The following CNTN5 variants were observed in gnomAD, a reference collection of about 807,000 sequenced individuals.
CNTN5 encodes the protein contactin 5, also known as contactin-5.
Under a neutral mutation model 129.1 loss-of-function variants are expected in CNTN5, and 77 were observed. That is an observed-to-expected ratio of 0.60 (90% confidence interval 0.50 to 0.72). CNTN5 has a LOEUF of 0.72. Ranked by LOEUF, CNTN5 falls within the 30% of genes least tolerant of loss-of-function variation. The probability of loss-of-function intolerance (pLI) is 0.00; values close to 1 mark genes in which losing one functional copy is unlikely to be tolerated. For synonymous variants in CNTN5, 509 were observed against 465.6 expected, an observed-to-expected ratio of 1.09 and a Z score of -1.20; for missense variants, 1,478 against 1,328.8, an observed-to-expected ratio of 1.11 and a Z score of -1.75.
intron 3 of CNTN5, among the ~76,000 whole-genome samples, chr11:99,597,528 T>C (rs1294128308): frequency 1.3e-5 from 2 of 151,432 alleles, no homozygotes; most frequent in Non-Finnish European, 2.9e-5. Context: ...AAAAAAAATA[T>C]AGGTTGTTTG....
At chr11:99,440,903 C>T (rs766391521) in intron 2 of CNTN5, among the ~76,000 whole-genome samples, 17 of 152,220 alleles carry the variant, frequency 1.1e-4, no homozygotes, top group East Asian at 3.9e-4. Context: ...ACACTAATTA[C>T]GGTGAACTGA....
intron 3 of CNTN5, among the ~76,000 whole-genome samples, chr11:99,619,041 G>T (rs1313918603): frequency 1.3e-5 from 2 of 151,996 alleles, no homozygotes; most frequent in East Asian, 3.8e-4. Flanking sequence ...TTCAATGAAA[G>T]CTTATAAAAT....
intron 6 of CNTN5, among the ~76,000 whole-genome samples, chr11:99,901,617 G>A (rs371639778): frequency 6.6e-6 from 1 of 152,058 alleles, no homozygotes; most frequent in Non-Finnish European, 1.5e-5. Context: ...CTATTCATGA[G>A]CATAGAATGG....
At chr11:100,086,906 AT>A (rs1944578416) in intron 13 of CNTN5, among the ~76,000 whole-genome samples, 1 of 151,688 alleles carries the variant, frequency 6.6e-6, no homozygotes, top group African/African-American at 2.4e-5. Context: ...CGCTCTATGT[AT>A]TTATGTTACA....
Position 100,299,434 on chromosome 11 carries a change from T to G in CNTN5, c.2620+38T>G, listed in dbSNP as rs754349765. ...ATTCCTATTATTTTTATTTAACATT[T>G]TACTTTGTTATACAAATAATCAGAC... On this transcript the variant is annotated intron_variant, in intron 20 of 24. Coordinates refer to ENST00000524871, the MANE Select transcript of CNTN5 (RefSeq NM_014361.4). 13 of 1,307,750 alleles carry G rather than the reference T, an allele frequency of 9.9e-6. No homozygotes were observed. The South Asian group carries it at 1.6e-4, about 16-fold the overall frequency. 81.0% of individuals were successfully genotyped at this position (1,307,750 alleles called of 1,614,324 possible).
intron 1 of CNTN5, among the ~76,000 whole-genome samples, chr11:99,180,631 T>C (rs1159586337): frequency 6.6e-6 from 1 of 152,194 alleles, no homozygotes; most frequent in Non-Finnish European, 1.5e-5. Context: ...TGGTGACTGT[T>C]GTTTGTGTCC....
chr11:100,047,675 A>G (rs965146498), intron 9 of CNTN5, among the ~76,000 whole-genome samples: 33 of 152,316 alleles, frequency 2.2e-4, no homozygotes, highest in African/African-American at 7.9e-4. Context: ...GATTGAAATC[A>G]GGGATACCCA....
intron 18 of CNTN5, among the ~76,000 whole-genome samples, chr11:100,274,390 A>G (rs114368408): frequency 0.025 from 3,809 of 152,318 alleles, 142 homozygotes; most frequent in East Asian, 0.2. Context: ...ATTAAACTTA[A>G]GAGCTTCTGC....
In CNTN5 at chr11:99,818,344, C is replaced by T. The variant is rs192788614; in HGVS notation, c.56-1200C>T. 1.5e-3 allele frequency among the ~76,000 whole-genome samples: 228 copies of T among 152,202 alleles called. 1 individual carries two copies. Among genetic ancestry groups the T allele is most frequent in the Non-Finnish European group, 1.7e-3 (118 of 68,012 alleles). On this transcript the variant is annotated intron_variant, in intron 3 of 24. Coordinates refer to ENST00000524871, the MANE Select transcript of CNTN5 (RefSeq NM_014361.4). ...GATCGCAGCTCACTACAGCCTAAAC[C>T]TCCCAGGCTCAAGCAATCCTCCCAG... is the stretch of plus-strand genomic sequence containing the variant.
intron 15 of CNTN5, among the ~76,000 whole-genome samples, chr11:100,199,172 G>A (rs1948716471): frequency 6.6e-6 from 1 of 151,896 alleles, no homozygotes; most frequent in Non-Finnish European, 1.5e-5. Flanking sequence ...AAGTCCTGGA[G>A]CCATTTCACC....
chr11:99,130,658 A>ATTTTTAT (rs1858887405), intron 1 of CNTN5, among the ~76,000 whole-genome samples: 1 of 151,270 alleles, frequency 6.6e-6, no homozygotes, highest in African/African-American at 2.4e-5. Context: ...CAGAATATAT[A>ATTTTTAT]TTTTTATGAA....
chr11:99,530,957 G>A (rs1174716620), intron 2 of CNTN5, among the ~76,000 whole-genome samples: 1 of 152,174 alleles, frequency 6.6e-6, no homozygotes, highest in African/African-American at 2.4e-5. Flanking sequence ...ATTGATACCA[G>A]TAGAGTCGGG....
At chr11:99,350,929 T>G (rs560086289) in intron 2 of CNTN5, among the ~76,000 whole-genome samples, 6 of 152,086 alleles carry the variant, frequency 3.9e-5, no homozygotes, top group African/African-American at 1.4e-4. Context: ...CAATATTTAT[T>G]AAGTTAGTTC....
rs763822431 is a variant in CNTN5 at position 99,208,956 on chromosome 11, AAGTCAC to A, written c.-209-116386_-209-116381del. Among the ~76,000 whole-genome samples the A allele has an allele frequency of 5.6e-4, 85 of 152,166 alleles. 3 individuals are homozygous for A. Among genetic ancestry groups the A allele is most frequent in the Non-Finnish European group, 2.2e-4 (15 of 68,016 alleles). On this transcript the variant is annotated intron_variant, in intron 1 of 24. Transcript: ENST00000524871. ...ATTGAGCATATGCATCTCAATTTGC[AAGTCAC>A]AGTGTAGAATAGAGGCCTATTTAAT... is the stretch of plus-strand genomic sequence containing the variant.
rs150173096 is a variant in CNTN5, at chr11:99,212,656, A to G, written c.-209-112690A>G. 4.6e-3 allele frequency among the ~76,000 whole-genome samples: 696 copies of G among 152,096 alleles called. 11 individuals are homozygous for G. The East Asian group carries it at 0.065, about 14-fold the overall frequency. Reference sequence around the variant, plus strand: ...CCCTTTATTGTATTTATTCTTTTCTATATAATTTTAAAAAATATTTTATGT... The same window carrying G: ...CCCTTTATTGTATTTATTCTTTTCTGTATAATTTTAAAAAATATTTTATGT... On this transcript the variant is annotated intron_variant, in intron 1 of 24. Transcript: ENST00000524871.
At chr11:99,191,457 C>T (rs1372771156) in intron 1 of CNTN5, among the ~76,000 whole-genome samples, 1 of 151,714 alleles carries the variant, frequency 6.6e-6, no homozygotes, top group East Asian at 1.9e-4. Flanking sequence ...ACTTAAACTA[C>T]ACTTTAGACC....
intron 1 of CNTN5, among the ~76,000 whole-genome samples, chr11:99,279,092 A>G (rs1477919032): frequency 6.6e-6 from 1 of 151,732 alleles, no homozygotes; most frequent in East Asian, 1.9e-4. Context: ...TATCCTTGCC[A>G]CTCTAACAGT....
chr11:99,103,249 C>T (rs1414040233), intron 1 of CNTN5, among the ~76,000 whole-genome samples: 3 of 152,122 alleles, frequency 2.0e-5, no homozygotes, highest in African/African-American at 7.2e-5. Flanking sequence ...CAAACCATAT[C>T]AATGCTGTGT....
At chr11:99,299,305 T>C (rs1314295214) in intron 1 of CNTN5, among the ~76,000 whole-genome samples, 3 of 152,110 alleles carry the variant, frequency 2.0e-5, no homozygotes, top group Admixed American at 2.0e-4. Flanking sequence ...AAATAATACA[T>C]GATAACAGTG....
Sources: gnomAD v4.1 joint callset for allele counts (sites outside exome capture counted in the v4.1 genomes callset) on GRCh38, gnomAD v4.1.1 for gene constraint, MANE v1.5 for transcripts, NCBI Gene and HGNC (gene_info 2026-07-23, HGNC 2026-07-21) for gene names.